BTRC: variants seen among roughly 807,000 people sequenced by gnomAD.
BTRC encodes the protein F-box/WD repeat-containing protein 1A.
BTRC carries 42 observed loss-of-function variants against 85.5 expected under a neutral mutation model. That is an observed-to-expected ratio of 0.49 (90% confidence interval 0.38 to 0.64). The LOEUF (loss-of-function observed/expected upper bound fraction) is 0.64, where lower values mean the gene tolerates loss of function less well. Ranked by LOEUF, BTRC falls within the 30% of genes least tolerant of loss-of-function variation. BTRC has a pLI of 0.00. For missense variants in BTRC, 594 were observed against 743.5 expected (o/e 0.80, Z 2.34); for synonymous variants, 255 against 263.3 (o/e 0.97, Z 0.30).
intron 2 of BTRC, among the ~76,000 whole-genome samples, chr10:101,460,064 A>T (rs1478548294): frequency 1.3e-5 from 2 of 152,036 alleles, no homozygotes; most frequent in African/African-American, 4.8e-5. Context: ...ACTGAATTAA[A>T]CAGGTTTAGT....
intron 2 of BTRC, among the ~76,000 whole-genome samples, chr10:101,451,977 T>G (rs1331481846): frequency 6.6e-6 from 1 of 152,056 alleles, no homozygotes; most frequent in Non-Finnish European, 1.5e-5. Flanking sequence ...CACATTGGAG[T>G]TGTCACGAGT....
intron 1 of BTRC, among the ~76,000 whole-genome samples, chr10:101,408,173 G>C (rs980694939): frequency 6.6e-6 from 1 of 152,184 alleles, no homozygotes; most frequent in African/African-American, 2.4e-5. Context: ...AGCCGTATGT[G>C]ACTAGTGGTT....
chr10:101,453,854 G>A (rs548300405), intron 2 of BTRC, among the ~76,000 whole-genome samples: 50 of 152,314 alleles, frequency 3.3e-4, no homozygotes, highest in African/African-American at 1.2e-3. Context: ...CTGTAAAGGG[G>A]CAGATAATAA....
chr10:101,450,511 A>G (rs1944931857), intron 2 of BTRC, among the ~76,000 whole-genome samples: 1 of 152,118 alleles, frequency 6.6e-6, no homozygotes, highest in Non-Finnish European at 1.5e-5. Flanking sequence ...GTTTATCTTA[A>G]AAGAGCAGGA....
chr10:101,531,502 CTGAGGTCAGGAGTT>C (rs1166893138), intron 7 of BTRC, among the ~76,000 whole-genome samples, 169 bp downstream of exon 7: 22 of 152,066 alleles, frequency 1.4e-4, no homozygotes. Flanking sequence ...TTTTTGGAGG[CTGAGGTCAGGAGTT>C]TGAGACCAGC....
At chr10:101,407,019 G>A (rs533199696) in intron 1 of BTRC, among the ~76,000 whole-genome samples, 4 of 152,212 alleles carry the variant, frequency 2.6e-5, no homozygotes, top group African/African-American at 9.6e-5. Context: ...TACCACAGAT[G>A]CCAACCAAGT....
intron 13 of BTRC, among the ~76,000 whole-genome samples, chr10:101,542,029 A>G (rs888958829): frequency 2.0e-5 from 3 of 152,228 alleles, no homozygotes; most frequent in Non-Finnish European, 4.4e-5. Context: ...AGAATTCACT[A>G]GTGAAGCATC....
At chr10:101,389,128 T>G (rs1224902344) in intron 1 of BTRC, among the ~76,000 whole-genome samples, 2 of 135,564 alleles carry the variant, frequency 1.5e-5, no homozygotes, top group African/African-American at 5.6e-5. Context: ...TGTTTTTTTT[T>G]TTTTTTTTTT....
At chr10:101,434,172 G>A (rs1944468439) in intron 2 of BTRC, among the ~76,000 whole-genome samples, 1 of 152,106 alleles carries the variant, frequency 6.6e-6, no homozygotes, top group Admixed American at 6.6e-5. Context: ...TGTTATTTTG[G>A]TTGACATATG....
intron 6 of BTRC, among the ~76,000 whole-genome samples, chr10:101,530,559 A>G (rs1426044628): frequency 7.9e-5 from 12 of 152,202 alleles, no homozygotes; most frequent in Non-Finnish European, 1.5e-4. Flanking sequence ...TTACTAACAA[A>G]ATTTCCAAAA....
At chr10:101,552,110 T>G (rs1400160899) in intron 14 of BTRC, among the ~76,000 whole-genome samples, 1 of 152,174 alleles carries the variant, frequency 6.6e-6, no homozygotes, top group Admixed American at 6.5e-5. Flanking sequence ...TTTGTGCTTC[T>G]TTCCCCCTCA....
At chr10:101,541,651 G>A (rs1296742795) in intron 13 of BTRC, among the ~76,000 whole-genome samples, 2 of 152,144 alleles carry the variant, frequency 1.3e-5, no homozygotes, top group Non-Finnish European at 2.9e-5. Flanking sequence ...ACACATGTTG[G>A]ATTTTGTGAA....
chr10:101,354,072 A>G, upstream of BTRC: 2 of 1,332,060 alleles, frequency 1.5e-6, no homozygotes, highest in Non-Finnish European at 2.1e-6. Context: ...GAGAGGTAAG[A>G]GAGGGCGGGG....
At chr10:101,542,725 C>G (rs1358511827) in intron 13 of BTRC, among the ~76,000 whole-genome samples, 1 of 152,192 alleles carries the variant, frequency 6.6e-6, no homozygotes, top group Non-Finnish European at 1.5e-5. Flanking sequence ...GCGTGCGCCA[C>G]CACGTCCAGC....
chr10:101,412,532 A>G (rs980949805), intron 1 of BTRC, among the ~76,000 whole-genome samples: 1 of 152,222 alleles, frequency 6.6e-6, no homozygotes, highest in Non-Finnish European at 1.5e-5. Flanking sequence ...TTATGGTAGA[A>G]TCTAAAGTCT....
At chr10:101,542,483 G>A (rs370207221) in intron 13 of BTRC, among the ~76,000 whole-genome samples, 18 of 152,142 alleles carry the variant, frequency 1.2e-4, no homozygotes, top group Admixed American at 5.2e-4. Flanking sequence ...TTTTCTATTC[G>A]TCCTTACCAA....
intron 1 of BTRC, among the ~76,000 whole-genome samples, chr10:101,401,684 A>G (rs1943494814): frequency 6.6e-6 from 1 of 152,068 alleles, no homozygotes; most frequent in Non-Finnish European, 1.5e-5. Flanking sequence ...GTGAATTAAG[A>G]AAAAGAGGCT....
chr10:101,483,410 T>C (rs964015358), intron 4 of BTRC, among the ~76,000 whole-genome samples: 5 of 152,122 alleles, frequency 3.3e-5, no homozygotes, highest in Non-Finnish European at 7.4e-5. Flanking sequence ...CCAACCAACA[T>C]GGTGAAACCC....
At chr10:101,467,460 G>A (rs986741364) in intron 3 of BTRC, among the ~76,000 whole-genome samples, 5 of 151,720 alleles carry the variant, frequency 3.3e-5, no homozygotes, top group Admixed American at 6.6e-5. Flanking sequence ...CCTATCTGCC[G>A]TTGCTTTGTG....
Sources: gnomAD v4.1 joint callset for allele counts (sites outside exome capture counted in the v4.1 genomes callset) on GRCh38, gnomAD v4.1.1 for gene constraint, MANE v1.5 for transcripts, NCBI Gene and HGNC (gene_info 2026-07-23, HGNC 2026-07-21) for gene names.